Variants in ANKRD30B observed in about 807,000 individuals in gnomAD.
ANKRD30B encodes the protein ankyrin repeat domain-containing protein 30B.
In ANKRD30B, 144 loss-of-function variants were observed where a neutral mutation model predicts 202.2. The observed-to-expected ratio is 0.71, with a 90% CI of 0.62 to 0.82. The LOEUF is 0.82. Ranked by LOEUF, ANKRD30B falls within the 40% of genes least tolerant of loss-of-function variation. ANKRD30B has a pLI of 0.00. For missense variants in ANKRD30B, 1,487 were observed against 1,669.1 expected (o/e 0.89, Z 1.90); for synonymous variants, 508 against 561.3 (o/e 0.91, Z 1.34).
chr18:14,864,337 AAAACCAAACC>A, the ANKRD30B span, among the ~76,000 whole-genome samples: 20 of 152,260 alleles, frequency 1.3e-4, no homozygotes, highest in East Asian at 1.2e-3. Context: ...TCCGTCTCAA[AAAACCAAACC>A]AAACCAAACC....
At chr18:14,845,945 C>T (rs905547769) in intron 39 of ANKRD30B, among the ~76,000 whole-genome samples, 1 of 152,122 alleles carries the variant, frequency 6.6e-6, no homozygotes, top group Non-Finnish European at 1.5e-5. Context: ...TCCAAAAACT[C>T]CTACCTCCTA....
chr18:14,902,206 A>G, the ANKRD30B span, among the ~76,000 whole-genome samples: 1 of 152,160 alleles, frequency 6.6e-6, no homozygotes, highest in Non-Finnish European at 1.5e-5. Flanking sequence ...ACATATGGGA[A>G]TTACGGGAGT....
intron 37 of ANKRD30B, among the ~76,000 whole-genome samples, 157 bp downstream of exon 37, chr18:14,840,835 A>G (rs1223917469): frequency 1.3e-5 from 2 of 152,196 alleles, no homozygotes. Flanking sequence ...AGATGTTGGC[A>G]ACAGATTATA....
In ANKRD30B at chr18:14,833,305, T is replaced by G. The variant is rs182998659; in HGVS notation, c.2847+1850T>G. 3.9e-5 allele frequency among the ~76,000 whole-genome samples: 6 copies of G among 152,224 alleles called. No homozygotes were observed. In the East Asian group the frequency reaches 1.2e-3, roughly 30 times the overall value. ...CTCTGTCGCCCAGGTTGGAGTGCAGTGGCGCCATGTGGGCTCACTTGCAAG... is the reference window on the plus strand; with the variant it reads ...CTCTGTCGCCCAGGTTGGAGTGCAGGGGCGCCATGTGGGCTCACTTGCAAG... On this transcript the variant is annotated intron_variant, in intron 34 of 43. Coordinates refer to ENST00000690538, the MANE Select transcript of ANKRD30B (RefSeq NM_001367607.2).
chr18:14,939,413 G>A, the ANKRD30B span, among the ~76,000 whole-genome samples: 5 of 152,188 alleles, frequency 3.3e-5, no homozygotes, highest in East Asian at 1.9e-4. Context: ...GTCCCCAGGT[G>A]TGGGGGATCC....
chr18:14,867,596 G>C, the ANKRD30B span, among the ~76,000 whole-genome samples: 1 of 152,156 alleles, frequency 6.6e-6, no homozygotes, highest in Non-Finnish European at 1.5e-5. Context: ...GGAGCCCCAG[G>C]CATGGAGTAG....
At position 14,757,834 on chromosome 18, in the gene ANKRD30B, A is replaced by G. The variant is rs755948914; in HGVS notation, c.637A>G (p.Ile213Val). The G allele has an allele frequency of 4.3e-6, 7 of 1,613,550 alleles. No individual in the cohort carries two copies. The highest frequency in any genetic ancestry group is 2.5e-6 in the Non-Finnish European group (3 of 1,179,806). Reference sequence around the variant, plus strand: ...TTTTAGCACAGCCCTCATGCTTGCCATATGTGAAGGCTCATCAGAGATAGT... The same window carrying G: ...TTTTAGCACAGCCCTCATGCTTGCCGTATGTGAAGGCTCATCAGAGATAGT... ...ESKCTALMLA[I>V]CEGSSEIVGM... The change falls in exon 5 of 44, where the codon ATA (isoleucine) becomes GTA (valine). Residue 213 changes from isoleucine to valine, a missense_variant. Ile to Val is a conservative substitution (Grantham distance 29, BLOSUM62 3). Coordinates refer to ENST00000690538, the MANE Select transcript of ANKRD30B (RefSeq NM_001367607.2).
chr18:14,769,795 C>T (rs1916820630), intron 8 of ANKRD30B, among the ~76,000 whole-genome samples: 1 of 152,162 alleles, frequency 6.6e-6, no homozygotes, highest in Non-Finnish European at 1.5e-5. Flanking sequence ...TCTCTTAGAA[C>T]ACTCATTCAT....
intron 8 of ANKRD30B, among the ~76,000 whole-genome samples, chr18:14,771,225 A>C (rs926141235): frequency 2.0e-5 from 3 of 152,182 alleles, no homozygotes; most frequent in African/African-American, 4.8e-5. Flanking sequence ...GAATATTTAA[A>C]GGTTGGAGAC....
At chr18:14,778,965 T>A (rs1224149240) in intron 10 of ANKRD30B, among the ~76,000 whole-genome samples, 2 of 152,146 alleles carry the variant, frequency 1.3e-5, no homozygotes, top group African/African-American at 2.4e-5. Flanking sequence ...AGATGTCAGA[T>A]ACTACCCCTA....
Position 14,822,649 on chromosome 18 carries a change from A to G in ANKRD30B, c.2715A>G (p.Glu905=). 2 of 1,463,414 alleles carry G rather than the reference A, an allele frequency of 1.4e-6. No homozygotes were observed. The highest frequency in any genetic ancestry group is 1.8e-6 in the Non-Finnish European group (2 of 1,091,246). 90.7% of individuals were successfully genotyped at this position (1,463,414 alleles called of 1,614,324 possible). The part of the protein sequence containing the change: ...MKISLPNKAL[E]LKDRETFKAE... Reference sequence around the variant, plus strand: ...TTTCTCTTCCAAATAAAGCCTTAGAATTGAAGGACAGAGAAACATTCAAAG... The same window carrying G: ...TTTCTCTTCCAAATAAAGCCTTAGAGTTGAAGGACAGAGAAACATTCAAAG... Residue 905 remains glutamate, a synonymous_variant, in exon 32 of 44, where the codon GAA becomes GAG. Coordinates refer to ENST00000690538, the MANE Select transcript of ANKRD30B (RefSeq NM_001367607.2).
At chr18:14,810,052 C>T (rs1969820715) in intron 27 of ANKRD30B, 38 bp downstream of exon 27, 8 of 1,458,956 alleles carry the variant, frequency 5.5e-6, no homozygotes, top group Non-Finnish European at 7.6e-6. Flanking sequence ...ATATTACCTA[C>T]ATATTTTATG....
intron 24 of ANKRD30B, among the ~76,000 whole-genome samples, chr18:14,806,135 G>A (rs1435551516): frequency 6.7e-6 from 1 of 149,320 alleles, no homozygotes; most frequent in Non-Finnish European, 1.5e-5. Context: ...CAGGAGAATG[G>A]CCTGAACCCG....
At position 14,791,417 on chromosome 18, in the gene ANKRD30B, T is replaced by A; in HGVS notation, c.1751T>A (p.Val584Asp). 1.9e-6 allele frequency: 3 copies of A among 1,608,530 alleles called. No homozygotes were observed. ...SWDSESPCET[V>D]SQKDVYLPKA... ...TTTTAACAGAGTCCCTGTGAGACGG[T>A]TTCACAGAAGGATGTGTATTTACCC... is the stretch of plus-strand genomic sequence containing the variant. Residue 584 changes from valine (V) to aspartate (D), a missense_variant, in exon 16 of 44, where the codon GTT (valine) becomes GAT (aspartate). By Grantham distance (152) the Val-to-Asp change is radical. Transcript: ENST00000690538.
intron 32 of ANKRD30B, 35 bp from the exon 33 acceptor site, chr18:14,828,243 G>A (rs1359330949): frequency 6.9e-7 from 1 of 1,442,278 alleles, no homozygotes; most frequent in African/African-American, 1.4e-5. Context: ...ATTTATATTT[G>A]TTGATTTAAT....
At chr18:14,797,295 T>C (rs1221226490) in intron 18 of ANKRD30B, among the ~76,000 whole-genome samples, 1 of 152,136 alleles carries the variant, frequency 6.6e-6, no homozygotes, top group Admixed American at 6.6e-5. Context: ...GGGACAGGAA[T>C]CTTGGTGACG....
the ANKRD30B span, among the ~76,000 whole-genome samples, chr18:14,871,214 A>G: frequency 0.94 from 34,472 of 36,612 alleles, 16,391 homozygotes; most frequent in Non-Finnish European, 0.99. Context: ...GTCCTGCTGC[A>G]CCCCCACCCC....
At chr18:14,761,962 G>C (rs1915328971) in intron 6 of ANKRD30B, among the ~76,000 whole-genome samples, 1 of 152,084 alleles carries the variant, frequency 6.6e-6, no homozygotes, top group African/African-American at 2.4e-5. Flanking sequence ...CTGTTGACCT[G>C]GAGCCTTATT....
At chr18:14,896,094 G>GCTATATATTTATAAT in the ANKRD30B span, among the ~76,000 whole-genome samples, 2 of 151,900 alleles carry the variant, frequency 1.3e-5, no homozygotes, top group Admixed American at 1.3e-4. Context: ...GAGGAACTGT[G>GCTATATATTTATAAT]GGGGGAAATG....
Sources: allele counts gnomAD v4.1 joint callset (sites outside exome capture counted in the v4.1 genomes callset), GRCh38; gene constraint gnomAD v4.1.1; transcripts MANE v1.5; gene names NCBI Gene and HGNC (gene_info 2026-07-23, HGNC 2026-07-21).